Variants in TCF7 observed in about 807,000 individuals in gnomAD.
TCF7 encodes the protein T-cell-factor-7.
Under a neutral mutation model 46.8 loss-of-function variants are expected in TCF7, and 19 were observed. The ratio of observed to expected loss-of-function variants is 0.41; its 90% CI spans 0.28 to 0.60. TCF7 has a LOEUF of 0.60. Among genes scored for constraint, TCF7 ranks in the 20% least tolerant of loss-of-function variants. The pLI, the probability that TCF7 is intolerant of heterozygous loss-of-function variation, is 0.35. For missense variants in TCF7, 547 were observed against 504.6 expected (o/e 1.08, Z -0.81); for synonymous variants, 245 against 213.4 (o/e 1.15, Z -1.29).
chr5:134,137,955 GCCA>G, intron 3 of TCF7, 101 bp from the exon 4 acceptor site: 1 of 967,090 alleles, frequency 1.0e-6, no homozygotes, highest in Non-Finnish European at 1.5e-6. Flanking sequence ...TGTGGTTTTG[GCCA>G]CCACTTTTCT....
chr5:134,131,973 A>T (rs978030789), intron 3 of TCF7, among the ~76,000 whole-genome samples: 5 of 152,212 alleles, frequency 3.3e-5, no homozygotes, highest in Admixed American at 2.6e-4. Context: ...GTGTAGCCAG[A>T]ACCCCCATCC....
chr5:134,129,613 C>A (rs552880728), intron 3 of TCF7, among the ~76,000 whole-genome samples: 8 of 152,356 alleles, frequency 5.3e-5, no homozygotes, highest in African/African-American at 1.9e-4. Context: ...GGGGCGTTCA[C>A]CTCAAAGTGG....
At chr5:134,121,905 C>G (rs1243852391) in intron 3 of TCF7, among the ~76,000 whole-genome samples, 1 of 152,362 alleles carries the variant, frequency 6.6e-6, no homozygotes, top group East Asian at 1.9e-4. Context: ...AGGTTCTGAG[C>G]TGTGAGTGTC....
intron 3 of TCF7, among the ~76,000 whole-genome samples, chr5:134,126,471 G>A (rs1182550357): frequency 1.3e-5 from 2 of 152,238 alleles, no homozygotes; most frequent in Non-Finnish European, 2.9e-5. Flanking sequence ...GGTTCTCAGT[G>A]CCCACCCTAG....
intron 5 of TCF7, chr5:134,139,317 T>A (rs1029914118): frequency 2.2e-6 from 1 of 454,916 alleles, no homozygotes; most frequent in Non-Finnish European, 4.0e-6. Context: ...GTCCAAGAGA[T>A]CCCCTTAGAT....
rs767875872 is a variant in TCF7, at chr5:134,147,623, C to T, written c.*1320C>T. The T allele has an allele frequency of 6.6e-6, 1 of 152,608 alleles. No individual in the cohort carries two copies. The highest frequency in any genetic ancestry group is 6.5e-5 in the Admixed American group (1 of 15,278). The allele number at this position is 152,608 out of a possible 1,614,324, so 9.5% of individuals were successfully genotyped here. ...CCCATTTTTGAGCCAAGCTTCAACCCTCAGCCTTGAAAAACAAGTCTTTAA... is the reference window on the plus strand; with the variant it reads ...CCCATTTTTGAGCCAAGCTTCAACCTTCAGCCTTGAAAAACAAGTCTTTAA... On this transcript the variant is annotated 3_prime_UTR_variant, in exon 10 of 10. Coordinates refer to ENST00000342854, the MANE Select transcript of TCF7 (RefSeq NM_003202.5).
intron 3 of TCF7, among the ~76,000 whole-genome samples, chr5:134,118,748 C>T (rs908831674): frequency 6.6e-6 from 1 of 152,108 alleles, no homozygotes; most frequent in Non-Finnish European, 1.5e-5. Context: ...TGGCCTAGAC[C>T]AGTAACCAGG....
chr5:134,134,000 G>A (rs933738832), intron 3 of TCF7, among the ~76,000 whole-genome samples: 5 of 152,194 alleles, frequency 3.3e-5, no homozygotes, highest in African/African-American at 1.2e-4. Flanking sequence ...CTGGACCTGG[G>A]CCAGGCCCAG....
chr5:134,122,653 G>T (rs73790149), intron 3 of TCF7, among the ~76,000 whole-genome samples: 16,463 of 152,238 alleles, frequency 0.11, 1,139 homozygotes, highest in African/African-American at 0.18. Flanking sequence ...AGAGCCTCCT[G>T]GAGGTGCAAG....
In TCF7 at chr5:134,146,637, G is replaced by C. The variant is rs1275394232; in HGVS notation, c.*334G>C. On this transcript the variant is annotated 3_prime_UTR_variant, in exon 10 of 10. Transcript: ENST00000342854. ...AACGTCATCTCAGGGTCCAGACCCT[G>C]AAGATTTCAGAGGCTGCAGGACTTC... 6.0e-6 allele frequency: 4 copies of C among 664,162 alleles called. No individual in the cohort carries two copies. The East Asian group carries it at 8.1e-5, about 13-fold the overall frequency. The allele number at this position is 664,162 out of a possible 1,614,324, so 41.1% of individuals were successfully genotyped here. A position where few individuals can be genotyped will look rare whatever the true frequency, so the allele number is the denominator to read the frequency against.
intron 3 of TCF7, among the ~76,000 whole-genome samples, chr5:134,135,801 G>C (rs1758774800): frequency 6.6e-6 from 1 of 152,202 alleles, no homozygotes; most frequent in Non-Finnish European, 1.5e-5. Flanking sequence ...TGTAAACCCA[G>C]ATGAGAGGAA....
intron 9 of TCF7, 171 bp from the exon 10 acceptor site, chr5:134,146,052 TC>T (rs1335602527): frequency 3.2e-6 from 5 of 1,555,174 alleles, no homozygotes; most frequent in African/African-American, 2.8e-5. Context: ...CTGTCCTAGG[TC>T]TGGGCCAGAC....
intron 3 of TCF7, among the ~76,000 whole-genome samples, chr5:134,133,868 C>T (rs1205068043): frequency 1.3e-5 from 2 of 152,234 alleles, no homozygotes; most frequent in Non-Finnish European, 1.5e-5. Flanking sequence ...GGCAACACCC[C>T]GCAGCACTGC....
At chr5:134,111,316 T>C (rs1224197626), upstream of TCF7, among the ~76,000 whole-genome samples, 1 of 152,220 alleles carries the variant, frequency 6.6e-6, no homozygotes, top group Non-Finnish European at 1.5e-5. Context: ...TGCGTGAAGA[T>C]GAAGCCTTAT....
upstream of TCF7, among the ~76,000 whole-genome samples, chr5:134,110,890 A>G (rs1052108244): frequency 6.6e-6 from 1 of 152,250 alleles, no homozygotes; most frequent in Non-Finnish European, 1.5e-5. Context: ...AGCTCTAGCC[A>G]TGATTAAGTG....
intron 3 of TCF7, among the ~76,000 whole-genome samples, chr5:134,125,078 C>T (rs1050665327): frequency 7.2e-5 from 11 of 152,184 alleles, no homozygotes; most frequent in African/African-American, 2.7e-4. Context: ...GGGCCTCAGC[C>T]GGGGTTTGCT....
chr5:134,145,994 G>C (rs1760641910), intron 9 of TCF7: 2 of 1,477,618 alleles, frequency 1.4e-6, no homozygotes, highest in African/African-American at 2.8e-5. Context: ...CATAGGCCTA[G>C]TGACAAAAGG....
Position 134,146,524 on chromosome 5 carries a change from G to A in TCF7, c.*221G>A. ...AATCTCAGAGACAGGTGGCCTAGCA[G>A]GCACAGGACACCTGGCCGCCTCCAG... is the stretch of plus-strand genomic sequence containing the variant. On this transcript the variant is annotated 3_prime_UTR_variant, in exon 10 of 10. Transcript: ENST00000342854. 1.4e-6 allele frequency: 1 copy of A among 726,500 alleles called. No individual in the cohort carries two copies. Among genetic ancestry groups the A allele is most frequent in the Non-Finnish European group, 2.5e-6 (1 of 392,494 alleles). The allele number at this position is 726,500 out of a possible 1,614,324, so 45.0% of individuals were successfully genotyped here. A position where few individuals can be genotyped will look rare whatever the true frequency, so the allele number is the denominator to read the frequency against.
intron 7 of TCF7, 28 bp downstream of exon 7, chr5:134,142,911 G>C: frequency 6.2e-7 from 1 of 1,611,188 alleles, no homozygotes; most frequent in Non-Finnish European, 8.5e-7. Context: ...TGGGCTGGCA[G>C]GGATGCTCCC....
Sources: allele counts gnomAD v4.1 joint callset (sites outside exome capture counted in the v4.1 genomes callset), GRCh38; gene constraint gnomAD v4.1.1; transcripts MANE v1.5; gene names NCBI Gene and HGNC (gene_info 2026-07-23, HGNC 2026-07-21).